Variants in EGF observed in about 807,000 individuals in gnomAD.
The protein encoded by EGF is epidermal growth factor.
Under a neutral mutation model 143.8 loss-of-function variants are expected in EGF, and 95 were observed. The observed-to-expected ratio is 0.66, with a 90% CI of 0.56 to 0.78. EGF has a LOEUF of 0.78. EGF is among the 30% of genes least tolerant of loss of function. The pLI, the probability that EGF is intolerant of heterozygous loss-of-function variation, is 0.00. For missense variants in EGF, 1,320 were observed against 1,470.9 expected (o/e 0.90, Z 1.68); for synonymous variants, 510 against 510.5 (o/e 1.00, Z 0.01).
chr4:109,975,927 A>G, intron 12 of EGF, 85 bp from the exon 13 acceptor site: 2 of 1,415,182 alleles, frequency 1.4e-6, no homozygotes, highest in Non-Finnish European at 1.0e-6. Context: ...TCATGAGGTA[A>G]TTTACATTGA....
In EGF at chr4:109,985,341, C is replaced by T. The variant is rs530639061; in HGVS notation, c.2491+1800C>T. On this transcript the variant is annotated intron_variant, in intron 16 of 23. Transcript: ENST00000265171. ...GTTTCAGAGTGAGATTTCACATCAA[C>T]AAAGTGTCTATGGCTAAAAGACAAT... 1.8e-4 allele frequency among the ~76,000 whole-genome samples: 27 copies of T among 152,318 alleles called. 1 individual carries two copies. The South Asian group carries it at 5.2e-3, about 29-fold the overall frequency.
chr4:109,956,864 G>A (rs1744874293), intron 5 of EGF, among the ~76,000 whole-genome samples: 1 of 152,158 alleles, frequency 6.6e-6, no homozygotes. Context: ...AAATAACACA[G>A]ACTAGCTAAA....
intron 1 of EGF, among the ~76,000 whole-genome samples, chr4:109,926,558 C>T (rs1446904362): frequency 1.3e-5 from 2 of 151,988 alleles, no homozygotes; most frequent in Non-Finnish European, 2.9e-5. Context: ...GGGGTTTCAC[C>T]GAGTTAGCCA....
In EGF at chr4:109,963,210, C is replaced by G. The variant is rs1745996639; in HGVS notation, c.1350C>G (p.Leu450=). 1 of 1,613,870 alleles carries G rather than the reference C, an allele frequency of 6.2e-7. No homozygotes were observed. The highest frequency in any genetic ancestry group is 1.3e-5 in the African/African-American group (1 of 74,876). ...SSPDNGGCSQ[L]CVPLSPVSWE... is the part of the protein sequence containing the mutation. ...CCGATAATGGTGGATGTAGCCAGCT[C>G]TGCGTTCCTCTTAGCCCAGTATCCT... The change falls in exon 9 of 24, where the codon CTC becomes CTG. Residue 450 remains leucine, a synonymous_variant. Coordinates refer to ENST00000265171, the MANE Select transcript of EGF (RefSeq NM_001963.6).
At chr4:109,985,011 G>A (rs141162517) in intron 16 of EGF, among the ~76,000 whole-genome samples, 19 of 152,290 alleles carry the variant, frequency 1.2e-4, no homozygotes, top group African/African-American at 4.3e-4. Context: ...ACCAATGTTA[G>A]GGATGTAGAG....
At chr4:109,969,465 C>A (rs951431466) in intron 11 of EGF, among the ~76,000 whole-genome samples, 2 of 151,790 alleles carry the variant, frequency 1.3e-5, no homozygotes, top group Non-Finnish European at 2.9e-5. Flanking sequence ...GGGTGGGTGG[C>A]AAGGGGAGGG....
chr4:109,979,706 A>G (rs888776175), intron 13 of EGF, among the ~76,000 whole-genome samples: 1 of 152,152 alleles, frequency 6.6e-6, no homozygotes, highest in East Asian at 1.9e-4. Flanking sequence ...CAATCAGCCC[A>G]CATTCTCCCA....
chr4:109,995,573 C>T (rs1357663613), intron 20 of EGF, among the ~76,000 whole-genome samples: 2 of 152,180 alleles, frequency 1.3e-5, no homozygotes, highest in Non-Finnish European at 2.9e-5. Flanking sequence ...GACCCTTTAA[C>T]AAAACCCAAA....
At chr4:109,991,429 G>T (rs1174403392) in intron 18 of EGF, among the ~76,000 whole-genome samples, 2 of 145,776 alleles carry the variant, frequency 1.4e-5, no homozygotes, top group East Asian at 3.9e-4. Flanking sequence ...TGAGTAAAGT[G>T]GTGCAATGAT....
At chr4:109,953,659 T>C (rs1744304265) in intron 5 of EGF, among the ~76,000 whole-genome samples, 2 of 152,238 alleles carry the variant, frequency 1.3e-5, no homozygotes, top group South Asian at 4.1e-4. Flanking sequence ...GATACTCAAA[T>C]TGTACTATCT....
chr4:109,973,018 G>T (rs748859423), intron 11 of EGF, among the ~76,000 whole-genome samples: 2 of 152,162 alleles, frequency 1.3e-5, no homozygotes, highest in African/African-American at 2.4e-5. Flanking sequence ...ATTAAAGGTG[G>T]TTATATATTC....
chr4:109,950,138 C>T (rs1000903305), intron 5 of EGF, among the ~76,000 whole-genome samples: 1 of 152,140 alleles, frequency 6.6e-6, no homozygotes, highest in Non-Finnish European at 1.5e-5. Flanking sequence ...TTTCAAGGCC[C>T]TTATAGTTAT....
rs1742181984 is a variant in EGF, at chr4:109,943,011, T to C, written c.328-243T>C. Among the ~76,000 whole-genome samples, 4 of 152,194 alleles carry C rather than the reference T, an allele frequency of 2.6e-5. No individual in the cohort carries two copies. In the South Asian group the frequency reaches 8.3e-4, roughly 32 times the overall value. On this transcript the variant is annotated intron_variant, in intron 2 of 23. Coordinates refer to ENST00000265171, the MANE Select transcript of EGF (RefSeq NM_001963.6). The stretch of plus-strand genomic sequence containing the variant: ...TTCCTAATTTAAATAGTGTGTAGGA[T>C]AATTTTTAGTTTCAAAGCTATAAAT...
chr4:109,976,071 G>A lies in EGF; in HGVS notation c.1889G>A (p.Gly630Asp). ...NPRIESSSLQ[G>D]LGRLVIASSD... ...CGAATTGAAAGTTCTTCCCTCCAAG[G>A]CCTTGGCCGTCTGGTTATAGCCAGC... is the stretch of plus-strand genomic sequence containing the variant. Residue 630 changes from glycine to aspartate, a missense_variant, in exon 13 of 24, where the codon GGC becomes GAC. Around this residue, in one of 5 missense-constraint regions of EGF, gnomAD observed 1,186 missense variants for 1,313.7 expected, o/e 0.90. Transcript: ENST00000265171. The A allele has an allele frequency of 6.2e-7, 1 of 1,614,010 alleles. No individual in the cohort carries two copies.
chr4:109,987,539 C>T (rs1750314768), intron 16 of EGF, among the ~76,000 whole-genome samples: 1 of 152,160 alleles, frequency 6.6e-6, no homozygotes, highest in Non-Finnish European at 1.5e-5. Context: ...GCTGGGATTA[C>T]AAGCATGAAC....
At chr4:109,977,108 G>T (rs1269863501) in intron 13 of EGF, 2 of 152,098 alleles carry the variant, frequency 1.3e-5, no homozygotes, top group African/African-American at 4.8e-5. Context: ...GAAGGATTAT[G>T]ATATTAAAAA....
intron 6 of EGF, among the ~76,000 whole-genome samples, chr4:109,959,831 A>G (rs1437572535): frequency 6.6e-6 from 1 of 152,074 alleles, no homozygotes; most frequent in Non-Finnish European, 1.5e-5. Flanking sequence ...TGTGACTCCT[A>G]TCTTATCCCA....
In EGF at chr4:109,913,248, A is replaced by T. The variant is rs1340091216; in HGVS notation, c.-88A>T. On this transcript the variant is annotated 5_prime_UTR_variant, in exon 1 of 24. Transcript: ENST00000265171. ...CTGAGGCCTCCGCTCAGGCAGCCGC[A>T]TCTGGGGTCAATCATACTCACCTTG... The T allele has an allele frequency of 6.4e-7, 1 of 1,567,528 alleles. No homozygotes were observed. The highest frequency in any genetic ancestry group is 8.7e-7 in the Non-Finnish European group (1 of 1,143,366).
At chr4:110,008,810 G>C (rs1753647664) in intron 23 of EGF, among the ~76,000 whole-genome samples, 1 of 152,180 alleles carries the variant, frequency 6.6e-6, no homozygotes, top group Admixed American at 6.5e-5. Context: ...ACTTCAGATA[G>C]AAATGAACTC....
Sources: allele counts gnomAD v4.1 joint callset (sites outside exome capture counted in the v4.1 genomes callset), GRCh38; gene constraint gnomAD v4.1.1; regional missense constraint gnomAD v4.1.1; transcripts MANE v1.5; gene names NCBI Gene and HGNC (gene_info 2026-07-23, HGNC 2026-07-21).